Variants in DENND1A observed in about 807,000 individuals in gnomAD.
DENND1A encodes DENN domain containing 1A, also known as DENN domain-containing protein 1A.
Under a neutral mutation model 113.7 loss-of-function variants are expected in DENND1A, and 51 were observed. That is an observed-to-expected ratio of 0.45 (90% CI 0.36 to 0.57). The LOEUF (loss-of-function observed/expected upper bound fraction) is 0.57, where lower values mean the gene tolerates loss of function less well. Ranked by LOEUF, DENND1A falls within the 20% of genes least tolerant of loss-of-function variation. The probability of loss-of-function intolerance (pLI) is 0.00; values close to 1 mark genes in which losing one functional copy is unlikely to be tolerated. For synonymous variants in DENND1A, 565 were observed against 570.8 expected, an observed-to-expected ratio of 0.99 and a Z score of 0.14; for missense variants, 1,258 against 1,395.9, an observed-to-expected ratio of 0.90 and a Z score of 1.57.
At chr9:123,851,159 CT>C (rs1462863990) in intron 2 of DENND1A, among the ~76,000 whole-genome samples, 1 of 152,234 alleles carries the variant, frequency 6.6e-6, no homozygotes, top group Non-Finnish European at 1.5e-5. Flanking sequence ...CTTTGTGCTC[CT>C]CCGTAATCTA....
At chr9:123,745,350 A>C (rs1212938412) in intron 5 of DENND1A, among the ~76,000 whole-genome samples, 1 of 152,234 alleles carries the variant, frequency 6.6e-6, no homozygotes, top group African/African-American at 2.4e-5. Context: ...TTGGAGAAGT[A>C]AATAAGGGCA....
chr9:123,674,964 G>A (rs1002581159), intron 6 of DENND1A, among the ~76,000 whole-genome samples: 1 of 150,832 alleles, frequency 6.6e-6, no homozygotes, highest in Admixed American at 6.6e-5. Flanking sequence ...TTTCAAATTT[G>A]AGTGAAAACC....
chr9:123,392,193 C>A (rs946566390), intron 21 of DENND1A, among the ~76,000 whole-genome samples: 1 of 152,162 alleles, frequency 6.6e-6, no homozygotes, highest in African/African-American at 2.4e-5. Flanking sequence ...GCGCCGGGAT[C>A]GCACCGGCTT....
intron 5 of DENND1A, among the ~76,000 whole-genome samples, chr9:123,678,789 G>A (rs975366893): frequency 1.2e-4 from 18 of 152,148 alleles, no homozygotes; most frequent in African/African-American, 3.9e-4. Context: ...ATCAGCCCTG[G>A]CAGCTGCATA....
At chr9:123,445,820 T>C (rs1330763233) in intron 18 of DENND1A, among the ~76,000 whole-genome samples, 2 of 152,072 alleles carry the variant, frequency 1.3e-5, no homozygotes, top group East Asian at 3.9e-4. Flanking sequence ...TGAGCTGAGA[T>C]CACACCACTG....
At chr9:123,451,123 G>C (rs530796140) in intron 17 of DENND1A, among the ~76,000 whole-genome samples, 1 of 152,210 alleles carries the variant, frequency 6.6e-6, no homozygotes, top group East Asian at 1.9e-4. Flanking sequence ...ATTTCACCAG[G>C]GCAGGGCCCC....
At chr9:123,550,458 A>G (rs2056971772) in intron 13 of DENND1A, among the ~76,000 whole-genome samples, 1 of 152,216 alleles carries the variant, frequency 6.6e-6, no homozygotes, top group Admixed American at 6.5e-5. Context: ...CGCGTCTTCA[A>G]ACACCAATAC....
chr9:123,515,450 C>T (rs1357539737), intron 13 of DENND1A, among the ~76,000 whole-genome samples: 1 of 151,912 alleles, frequency 6.6e-6, no homozygotes, highest in African/African-American at 2.4e-5. Flanking sequence ...AATGGTTCCG[C>T]AAAAATAAAG....
chr9:123,381,583 G>A lies in DENND1A; in HGVS notation c.3062C>T (p.Pro1021Leu), dbSNP rs1588236979. 1 of 1,613,540 alleles carries A rather than the reference G, an allele frequency of 6.2e-7. No individual in the cohort carries two copies. Among genetic ancestry groups the A allele is most frequent in the South Asian group, 1.1e-5 (1 of 91,088 alleles). ...LPPRPPQGLE[P>L]TLQPSAPQQA... ...TTGAGGAGCAGAGGGCTGCAGTGTT[G>A]GCTCCAGGCCTTGAGGGGGCCTGGG... Residue 1021 changes from proline to leucine, a missense_variant, in exon 24 of 24, where the codon CCA becomes CTA. Pro to Leu is a moderately conservative substitution (Grantham distance 98, BLOSUM62 -3). Around this residue, in one of 2 missense-constraint regions of DENND1A, gnomAD observed 1,159 missense variants for 1,231.7 expected, o/e 0.94. Transcript: ENST00000394215. The surrounding 1 kb of genome is among the most constrained non-coding windows in gnomAD (Gnocchi z 4.7).
At chr9:123,414,637 C>G (rs1358705297) in intron 19 of DENND1A, 5 of 1,543,348 alleles carry the variant, frequency 3.2e-6, no homozygotes, top group Non-Finnish European at 4.4e-6. Context: ...AAAACCCACC[C>G]AAACCAGGCA....
intron 13 of DENND1A, among the ~76,000 whole-genome samples, chr9:123,533,035 A>G (rs950355152): frequency 1.1e-4 from 17 of 152,250 alleles, no homozygotes; most frequent in Non-Finnish European, 5.9e-5. Flanking sequence ...TTTATGTAGG[A>G]AATGCAGGGT....
intron 13 of DENND1A, among the ~76,000 whole-genome samples, chr9:123,539,210 C>T (rs2056089993): frequency 6.6e-6 from 1 of 152,050 alleles, no homozygotes; most frequent in African/African-American, 2.4e-5. Flanking sequence ...GGGACTGAAC[C>T]TCAGTCTATC....
intron 7 of DENND1A, among the ~76,000 whole-genome samples, chr9:123,669,191 A>G (rs2063637780): frequency 6.6e-6 from 1 of 152,202 alleles, no homozygotes; most frequent in Admixed American, 6.5e-5. Context: ...GCAGAGAGTG[A>G]CTAGAGACAA....
intron 2 of DENND1A, among the ~76,000 whole-genome samples, chr9:123,821,924 C>T (rs1838546732): frequency 6.6e-6 from 1 of 152,194 alleles, no homozygotes; most frequent in South Asian, 2.1e-4. Flanking sequence ...CTGAGAAAAT[C>T]AACAGCATCA....
intron 5 of DENND1A, among the ~76,000 whole-genome samples, chr9:123,727,528 A>C (rs2067795655): frequency 6.6e-6 from 1 of 152,220 alleles, no homozygotes. Context: ...TAATTACAAA[A>C]TGGTGCAAGG....
chr9:123,407,946 C>A lies in DENND1A; in HGVS notation c.1542+3830G>T, dbSNP rs543084843. ...TTTCCCTGGCAGGCCCCAACCCATG[C>A]CCCTTCGTCCAGGAGACACTGGCAT... On this transcript the variant is annotated intron_variant, in intron 20 of 23. Transcript: ENST00000394215. Among the ~76,000 whole-genome samples the A allele has an allele frequency of 3.9e-5, 6 of 152,322 alleles. No individual in the cohort carries two copies. The South Asian group carries it at 1.2e-3, about 32-fold the overall frequency.
chr9:123,831,702 C>G (rs970823999), intron 2 of DENND1A, among the ~76,000 whole-genome samples: 4 of 152,160 alleles, frequency 2.6e-5, no homozygotes, highest in African/African-American at 9.7e-5. Flanking sequence ...GCTATGCCTA[C>G]TGAAGATTCA....
At chr9:123,843,239 TA>T in intron 2 of DENND1A, 1 of 505,940 alleles carries the variant, frequency 2.0e-6, no homozygotes, top group Non-Finnish European at 3.9e-6. Context: ...ATGCATCCCC[TA>T]AAAAAGTTCA....
intron 2 of DENND1A, among the ~76,000 whole-genome samples, chr9:123,817,992 AC>A (rs1339215324): frequency 1.3e-5 from 2 of 151,370 alleles, no homozygotes; most frequent in African/African-American, 2.4e-5. Flanking sequence ...ACACCACTGC[AC>A]TCCAGCCTGA....
Sources: allele counts gnomAD v4.1 joint callset (sites outside exome capture counted in the v4.1 genomes callset), GRCh38; gene constraint gnomAD v4.1.1; regional missense constraint gnomAD v4.1.1; non-coding constraint Gnocchi (gnomAD v3.1); transcripts MANE v1.5; gene names NCBI Gene and HGNC (gene_info 2026-07-23, HGNC 2026-07-21).